The following CFAP221 variants were observed in gnomAD, a reference collection of about 807,000 sequenced individuals.
The protein encoded by CFAP221 is cilia- and flagella-associated protein 221.
In CFAP221, 97 loss-of-function variants were observed where a neutral mutation model predicts 113.1. The observed-to-expected ratio is 0.86, with a 90% CI of 0.73 to 1.02. The LOEUF (loss-of-function observed/expected upper bound fraction) is 1.02, where lower values mean the gene tolerates loss of function less well. CFAP221 is among the 50% of genes least tolerant of loss of function. CFAP221 has a pLI of 0.00. For synonymous variants in CFAP221, 331 were observed against 354.4 expected (o/e 0.93, Z 0.74); for missense variants, 1,025 against 1,013.4 (o/e 1.01, Z -0.16).
intron 6 of CFAP221, among the ~76,000 whole-genome samples, chr2:119,572,131 A>G (rs1009668966): frequency 6.6e-6 from 1 of 152,176 alleles, no homozygotes; most frequent in Non-Finnish European, 1.5e-5. Flanking sequence ...AATTTTCCTT[A>G]CTGAGATAAA....
At chr2:119,552,365 A>T (rs12469103) in intron 3 of CFAP221, among the ~76,000 whole-genome samples, 3 of 108,878 alleles carry the variant, frequency 2.8e-5, no homozygotes, top group African/African-American at 3.4e-5. Context: ...AAATAGAAAT[A>T]TTTCTTTCTT....
chr2:119,659,985 T>G (rs1688558114), downstream of CFAP221, among the ~76,000 whole-genome samples: 1 of 152,222 alleles, frequency 6.6e-6, no homozygotes, highest in Non-Finnish European at 1.5e-5. Flanking sequence ...AGCTACTGAA[T>G]CCCTGGCTAC....
intron 6 of CFAP221, among the ~76,000 whole-genome samples, chr2:119,574,220 C>T (rs902519953): frequency 6.6e-6 from 1 of 152,122 alleles, no homozygotes; most frequent in African/African-American, 2.4e-5. Context: ...CTGGGAACAA[C>T]GTCTAGAGCA....
chr2:119,572,783 C>T (rs1291446363), intron 6 of CFAP221: 20 of 534,186 alleles, frequency 3.7e-5, no homozygotes, highest in East Asian at 2.3e-4. Flanking sequence ...TGGGCAAGGC[C>T]GCCATGGGCT....
intron 8 of CFAP221, 158 bp downstream of exon 8, chr2:119,601,535 T>C (rs2104663486): frequency 1.5e-6 from 1 of 661,908 alleles, no homozygotes; most frequent in East Asian, 2.9e-5. Flanking sequence ...ATAACAGAAA[T>C]ATAGAATATA....
chr2:119,604,813 G>A (rs763866162), intron 9 of CFAP221, 21 bp downstream of exon 9: 25 of 1,594,762 alleles, frequency 1.6e-5, no homozygotes, highest in Non-Finnish European at 2.1e-5. Context: ...CCTTGTCCTT[G>A]GTGCGATGAA....
chr2:119,544,457 G>T lies in CFAP221; in HGVS notation c.-101G>T, dbSNP rs982783521. ...GTCCGCGTCGTCATGGCGACGCTCC[G>T]AGCGGGCGCCGGCGCTGGCGCCGGC... On this transcript the variant is annotated 5_prime_UTR_variant, in exon 1 of 24. Transcript: ENST00000413369. 2 of 151,840 alleles carry T rather than the reference G, an allele frequency of 1.3e-5. No homozygotes were observed. The highest frequency in any genetic ancestry group is 4.1e-4 in the South Asian group (2 of 4,834). The allele number at this position is 151,840 out of a possible 1,614,324, so 9.4% of individuals were successfully genotyped here. A position where few individuals can be genotyped will look rare whatever the true frequency, so the allele number is the denominator to read the frequency against.
chr2:119,585,633 A>AT (rs1458289945), intron 6 of CFAP221, among the ~76,000 whole-genome samples: 2 of 152,156 alleles, frequency 1.3e-5, no homozygotes, highest in Admixed American at 6.5e-5. Flanking sequence ...TATTTCACAG[A>AT]TTTTTTAAAG....
chr2:119,648,498 GA>G, intron 22 of CFAP221: 1 of 285,832 alleles, frequency 3.5e-6, no homozygotes, highest in South Asian at 3.1e-5. Context: ...ATAGCACAAA[GA>G]AGGCCACCAG....
chr2:119,604,529 G>A (rs1423870295), intron 8 of CFAP221, 143 bp from the exon 9 acceptor site: 1 of 694,978 alleles, frequency 1.4e-6, no homozygotes, highest in Non-Finnish European at 2.1e-6. Context: ...TATTTTAGTA[G>A]ACCACTGTTG....
intron 12 of CFAP221, among the ~76,000 whole-genome samples, chr2:119,608,909 G>A (rs765535013): frequency 2.0e-5 from 3 of 152,204 alleles, no homozygotes; most frequent in Non-Finnish European, 4.4e-5. Flanking sequence ...TCAAATTCGA[G>A]CTGGAATTTT....
chr2:119,625,073 G>A (rs1399134870), intron 14 of CFAP221, among the ~76,000 whole-genome samples: 1 of 152,004 alleles, frequency 6.6e-6, no homozygotes, highest in African/African-American at 2.4e-5. Flanking sequence ...AATAAATTAT[G>A]GAATGAACAA....
chr2:119,553,105 A>T (rs1337143335), intron 3 of CFAP221, among the ~76,000 whole-genome samples: 1 of 152,230 alleles, frequency 6.6e-6, no homozygotes. Context: ...TAACTCAGAC[A>T]TGAGACCAGG....
At chr2:119,624,369 A>G (rs1289432161) in intron 14 of CFAP221, among the ~76,000 whole-genome samples, 2 of 152,358 alleles carry the variant, frequency 1.3e-5, no homozygotes, top group East Asian at 3.9e-4. Flanking sequence ...GTCGGGAAAC[A>G]ACAGATGCTG....
intron 23 of CFAP221, among the ~76,000 whole-genome samples, chr2:119,654,120 G>T (rs1315173003): frequency 2.6e-5 from 4 of 152,122 alleles, no homozygotes; most frequent in Non-Finnish European, 5.9e-5. Flanking sequence ...AGCTGTATGA[G>T]GTCTCTCTGG....
chr2:119,629,900 C>T lies in CFAP221; in HGVS notation c.1676C>T (p.Pro559Leu). Residue 559 changes from proline to leucine, a missense_variant, in exon 17 of 24, where the codon CCA (proline) becomes CTA (leucine). Physicochemically the swap from Pro to Leu is moderately conservative, Grantham distance 98. Coordinates refer to ENST00000413369, the MANE Select transcript of CFAP221 (RefSeq NM_001271049.2). The stretch of plus-strand genomic sequence containing the variant: ...GCTCCTGATGGCCTTGGACTGGTCC[C>T]AATTAAGTCTTCAGAAGTTCAAATC... ...ELAPDGLGLV[P>L]IKSSEVQIKQ... The T allele has an allele frequency of 6.2e-7, 1 of 1,613,642 alleles. No homozygotes were observed. Among genetic ancestry groups the T allele is most frequent in the African/African-American group, 1.3e-5 (1 of 75,024 alleles).
chr2:119,603,755 C>T (rs1209029086), intron 8 of CFAP221, among the ~76,000 whole-genome samples: 1 of 152,030 alleles, frequency 6.6e-6, no homozygotes, highest in Non-Finnish European at 1.5e-5. Context: ...CGTAACTTTG[C>T]CTTGTGTTGC....
intron 8 of CFAP221, among the ~76,000 whole-genome samples, chr2:119,604,231 C>T (rs563159245): frequency 2.0e-5 from 3 of 152,082 alleles, no homozygotes; most frequent in South Asian, 2.1e-4. Flanking sequence ...GTCAAGAGAT[C>T]GAGACCATCC....
At chr2:119,567,610 G>A (rs2104559746) in intron 6 of CFAP221, among the ~76,000 whole-genome samples, 1 of 152,292 alleles carries the variant, frequency 6.6e-6, no homozygotes, top group Middle Eastern at 3.4e-3. Context: ...GTGGATGTAA[G>A]TTTTCAATTC....
Sources: gnomAD v4.1 joint callset for allele counts (sites outside exome capture counted in the v4.1 genomes callset) on GRCh38, gnomAD v4.1.1 for gene constraint, MANE v1.5 for transcripts, NCBI Gene and HGNC (gene_info 2026-07-23, HGNC 2026-07-21) for gene names.